The following PDE11A variants were observed in gnomAD, a reference collection of about 807,000 sequenced individuals.
PDE11A encodes dual 3',5'-cyclic-AMP and -GMP phosphodiesterase 11A.
In PDE11A, 100 loss-of-function variants were observed where a neutral mutation model predicts 100.5. The observed-to-expected ratio is 1.00, with a 90% CI of 0.85 to 1.18. The LOEUF is 1.18. PDE11A is among the 50% of genes most tolerant of loss of function. The pLI is 0.00. For synonymous variants in PDE11A, 381 were observed against 420.8 expected, an observed-to-expected ratio of 0.91 and a Z score of 1.16; for missense variants, 1,141 against 1,152.6, an observed-to-expected ratio of 0.99 and a Z score of 0.15.
chr2:177,857,929 G>A (rs1239916036), intron 5 of PDE11A, among the ~76,000 whole-genome samples: 1 of 151,946 alleles, frequency 6.6e-6, no homozygotes, highest in Non-Finnish European at 1.5e-5. Context: ...TTAAAAAACG[G>A]TTACTAGAGA....
Position 177,625,866 on chromosome 2 carries a change from A to G in PDE11A, c.*3541T>C, listed in dbSNP as rs994643038. 1 of 152,664 alleles carries G rather than the reference A, an allele frequency of 6.6e-6. No individual in the cohort carries two copies. 9.5% of individuals were successfully genotyped at this position (152,664 alleles called of 1,614,324 possible). A position where few individuals can be genotyped will look rare whatever the true frequency, so the allele number is the denominator to read the frequency against. On this transcript the variant is annotated 3_prime_UTR_variant, in exon 20 of 20. Coordinates refer to ENST00000286063, the MANE Select transcript of PDE11A (RefSeq NM_016953.4). ...TCTAACCTCTGGGGTTGTTGGCACC[A>G]GGAAGCTGCTACCTTCCTGTCCACT...
chr2:178,077,999 A>ATGTATGT (rs1180787294), intron 2 of PDE11A, among the ~76,000 whole-genome samples: 1 of 152,042 alleles, frequency 6.6e-6, no homozygotes, highest in Non-Finnish European at 1.5e-5. Flanking sequence ...CAGAGAATAA[A>ATGTATGT]TGTATGTTGT....
At chr2:178,024,732 T>G (rs1158480183) in intron 1 of PDE11A, among the ~76,000 whole-genome samples, 4 of 152,180 alleles carry the variant, frequency 2.6e-5, no homozygotes, top group African/African-American at 9.7e-5. Flanking sequence ...ACCAATAGAT[T>G]GCCAAACTTT....
intron 2 of PDE11A, among the ~76,000 whole-genome samples, chr2:178,086,883 C>T (rs1451368337): frequency 1.3e-5 from 2 of 152,136 alleles, no homozygotes; most frequent in African/African-American, 4.8e-5. Flanking sequence ...GTTTCTGGGC[C>T]TCAGTTTTCT....
chr2:177,921,585 C>T (rs547686229), intron 2 of PDE11A: 20 of 151,822 alleles, frequency 1.3e-4, no homozygotes, highest in Admixed American at 2.6e-4. Flanking sequence ...TGAAAAACCA[C>T]ATTTTACGAG....
chr2:177,737,327 T>C (rs28707296), intron 10 of PDE11A, among the ~76,000 whole-genome samples: 103,474 of 150,732 alleles, frequency 0.69, 37,798 homozygotes, highest in East Asian at 0.86. Flanking sequence ...ACCTGTAATC[T>C]CAGCACTTTG....
intron 9 of PDE11A, among the ~76,000 whole-genome samples, chr2:177,812,896 T>C (rs548988933): frequency 1.8e-5 from 2 of 109,304 alleles, no homozygotes; most frequent in South Asian, 5.4e-4. Context: ...GTGGTGATAA[T>C]GAGTAATGCA....
intron 19 of PDE11A, among the ~76,000 whole-genome samples, chr2:177,645,033 G>A (rs2080202675): frequency 6.6e-6 from 1 of 152,148 alleles, no homozygotes; most frequent in African/African-American, 2.4e-5. Context: ...CCAGTCTTGG[G>A]TATGTCTTTA....
Position 178,065,323 on chromosome 2 carries a change from C to T in PDE11A, c.912+6203G>A, listed in dbSNP as rs78091043. Among the ~76,000 whole-genome samples the T allele has an allele frequency of 1.6e-4, 24 of 152,226 alleles. No homozygotes were observed. The East Asian group carries it at 4.4e-3, about 28-fold the overall frequency. ...TTCAACATTATATTCAACATGAAAC[C>T]CTAACTTCCAAATTAAGCCAGGCTT... On this transcript the variant is annotated intron_variant, in intron 1 of 19. Transcript: ENST00000286063.
chr2:177,984,306 C>A (rs1333835706), intron 2 of PDE11A, among the ~76,000 whole-genome samples: 1 of 152,126 alleles, frequency 6.6e-6, no homozygotes, highest in African/African-American at 2.4e-5. Context: ...TAAGGGAAAA[C>A]TTAGACTATA....
At chr2:177,808,636 G>A (rs1308636212) in intron 9 of PDE11A, among the ~76,000 whole-genome samples, 1 of 152,110 alleles carries the variant, frequency 6.6e-6, no homozygotes, top group Non-Finnish European at 1.5e-5. Context: ...GAACTACTTG[G>A]AGAACCTAAT....
chr2:178,082,064 T>C (rs2105879133), intron 2 of PDE11A, among the ~76,000 whole-genome samples: 1 of 152,352 alleles, frequency 6.6e-6, no homozygotes, highest in South Asian at 2.1e-4. Flanking sequence ...TTTAATTAAG[T>C]TGATCTCAAT....
intron 13 of PDE11A, among the ~76,000 whole-genome samples, chr2:177,709,664 T>C (rs1440784633): frequency 6.6e-6 from 1 of 152,004 alleles, no homozygotes; most frequent in Non-Finnish European, 1.5e-5. Flanking sequence ...GAGGGCATCA[T>C]CAGTGAAGGC....
chr2:178,040,650 C>A lies in PDE11A; in HGVS notation c.913-26190G>T, dbSNP rs146586687. 3.1e-3 allele frequency among the ~76,000 whole-genome samples: 467 copies of A among 152,314 alleles called. 3 individuals are homozygous for A. Among genetic ancestry groups the A allele is most frequent in the African/African-American group, 0.011 (437 of 41,568 alleles). On this transcript the variant is annotated intron_variant, in intron 1 of 19. Coordinates refer to ENST00000286063, the MANE Select transcript of PDE11A (RefSeq NM_016953.4). ...GGAACACTGTGGCTAAACCACTAAACTAAAATTTCACTCCATAGACTTATT... is the reference window on the plus strand; with the variant it reads ...GGAACACTGTGGCTAAACCACTAAAATAAAATTTCACTCCATAGACTTATT...
chr2:177,771,088 C>A (rs569274336), intron 9 of PDE11A, among the ~76,000 whole-genome samples: 2 of 152,196 alleles, frequency 1.3e-5, no homozygotes, highest in African/African-American at 4.8e-5. Context: ...CTCAGCCTCC[C>A]AAAGTGCTGG....
At chr2:177,778,981 T>C (rs1000740534) in intron 9 of PDE11A, among the ~76,000 whole-genome samples, 1 of 152,154 alleles carries the variant, frequency 6.6e-6, no homozygotes, top group East Asian at 1.9e-4. Context: ...GAAAGTAGAA[T>C]AAAAGATACC....
At chr2:177,908,825 C>A (rs990754503) in intron 2 of PDE11A, among the ~76,000 whole-genome samples, 1 of 152,200 alleles carries the variant, frequency 6.6e-6, no homozygotes, top group Non-Finnish European at 1.5e-5. Context: ...ATCTCTTCAT[C>A]CTCATCCAAT....
intron 10 of PDE11A, among the ~76,000 whole-genome samples, chr2:177,731,357 G>A (rs530652769): frequency 1.1e-4 from 16 of 152,274 alleles, no homozygotes; most frequent in African/African-American, 3.1e-4. Flanking sequence ...CTCTGTAGGG[G>A]GAATGTGTCT....
At chr2:178,006,570 T>TA (rs1313598754) in intron 2 of PDE11A, among the ~76,000 whole-genome samples, 1 of 152,192 alleles carries the variant, frequency 6.6e-6, no homozygotes, top group Admixed American at 6.5e-5. Flanking sequence ...CCCTGAAGTT[T>TA]AACCTGAGTT....
Sources: allele counts gnomAD v4.1 joint callset (sites outside exome capture counted in the v4.1 genomes callset), GRCh38; gene constraint gnomAD v4.1.1; transcripts MANE v1.5; gene names NCBI Gene and HGNC (gene_info 2026-07-23, HGNC 2026-07-21).